SLC44A1: variants seen among roughly 807,000 people sequenced by gnomAD.
The protein encoded by SLC44A1 is solute carrier family 44 member 1.
SLC44A1 carries 26 observed loss-of-function variants against 79.3 expected under a neutral mutation model. That is an observed-to-expected ratio of 0.33 (90% CI 0.24 to 0.46). The LOEUF is 0.46. Among genes scored for constraint, SLC44A1 ranks in the 20% least tolerant of loss-of-function variants. The pLI, the probability that SLC44A1 is intolerant of heterozygous loss-of-function variation, is 1.00. For missense variants in SLC44A1, 688 were observed against 798.1 expected, an observed-to-expected ratio of 0.86 and a Z score of 1.66; for synonymous variants, 263 against 286.2, an observed-to-expected ratio of 0.92 and a Z score of 0.82.
At chr9:105,344,492 C>T (rs1827188689) in intron 4 of SLC44A1, among the ~76,000 whole-genome samples, 1 of 152,102 alleles carries the variant, frequency 6.6e-6, no homozygotes, top group South Asian at 2.1e-4. Flanking sequence ...CCCCCTACAA[C>T]CAAGAATTGT....
chr9:105,249,810 C>G (rs1255413642), intron 1 of SLC44A1, among the ~76,000 whole-genome samples: 1 of 151,140 alleles, frequency 6.6e-6, no homozygotes, highest in African/African-American at 2.4e-5. Context: ...GCTGGGATTA[C>G]AGGCATGAGC....
chr9:105,389,612 C>A lies in SLC44A1; in HGVS notation c.*556C>A. ...ATGTCATTTTACTTTTAGAAACATA[C>A]AATTGGGCCCAATATGGGAATTTTC... On this transcript the variant is annotated 3_prime_UTR_variant, in exon 16 of 16. Transcript: ENST00000374720. The A allele has an allele frequency of 1.7e-6, 2 of 1,176,766 alleles. No individual in the cohort carries two copies. The highest frequency in any genetic ancestry group is 2.1e-6 in the Non-Finnish European group (2 of 952,602). 72.9% of individuals were successfully genotyped at this position (1,176,766 alleles called of 1,614,324 possible). A position where few individuals can be genotyped will look rare whatever the true frequency, so the allele number is the denominator to read the frequency against.
chr9:105,387,060 A>ATATATATATATAT (rs761598964), intron 15 of SLC44A1, among the ~76,000 whole-genome samples: 10 of 7,730 alleles, frequency 1.3e-3, no homozygotes, highest in African/African-American at 2.8e-3. Flanking sequence ...AAAAAAAAAA[A>ATATATATATATAT]ATATATATAT....
chr9:105,264,694 C>G (rs892581144), intron 1 of SLC44A1, among the ~76,000 whole-genome samples: 2 of 152,210 alleles, frequency 1.3e-5, no homozygotes, highest in Non-Finnish European at 2.9e-5. Context: ...TTTCAATTTC[C>G]TGAATAGATC....
chr9:105,427,411 G>T (rs192419592), intron 15 of SLC44A1, among the ~76,000 whole-genome samples: 1 of 152,054 alleles, frequency 6.6e-6, no homozygotes, highest in Non-Finnish European at 1.5e-5. Context: ...ATGCTATAAT[G>T]ATCATCTTTG....
At chr9:105,404,931 T>C (rs545655186) in intron 15 of SLC44A1, among the ~76,000 whole-genome samples, 1 of 152,304 alleles carries the variant, frequency 6.6e-6, no homozygotes, top group Admixed American at 6.5e-5. Context: ...ATTCATTAGC[T>C]AACAGATATT....
chr9:105,244,739 A>AGCCGCC lies in SLC44A1; in HGVS notation c.-120_-115dup, dbSNP rs1366983820. 3 of 398,438 alleles carry AGCCGCC rather than the reference A, an allele frequency of 7.5e-6. No homozygotes were observed. The highest frequency in any genetic ancestry group is 1.1e-4 in the East Asian group (2 of 18,390). The allele number at this position is 398,438 out of a possible 1,614,324, so 24.7% of individuals were successfully genotyped here. Reference sequence around the variant, plus strand: ...CCTCTTGAGTACCAGCCGCCGCTGCAGCCGCCGCCGCCGCCTAGCCGTGCG... The same window carrying AGCCGCC: ...CCTCTTGAGTACCAGCCGCCGCTGCAGCCGCCGCCGCCGCCGCCGCCTAGCCGTGCG... On this transcript the variant is annotated 5_prime_UTR_variant, in exon 1 of 16. Coordinates refer to ENST00000374720, the MANE Select transcript of SLC44A1 (RefSeq NM_080546.5).
At chr9:105,428,609 G>C (rs185226655) in intron 15 of SLC44A1, among the ~76,000 whole-genome samples, 2 of 152,238 alleles carry the variant, frequency 1.3e-5, no homozygotes, top group African/African-American at 4.8e-5. Flanking sequence ...TGAGTATGCA[G>C]AACAGTCAGC....
At chr9:105,363,228 T>C (rs1827836528) in intron 9 of SLC44A1, among the ~76,000 whole-genome samples, 2 of 152,116 alleles carry the variant, frequency 1.3e-5, no homozygotes, top group Admixed American at 1.3e-4. Flanking sequence ...AGTGGTGCTC[T>C]CTTGGCTCAC....
intron 15 of SLC44A1, among the ~76,000 whole-genome samples, chr9:105,387,060 A>AAAAAAAAAAAAAAAAATATATAT (rs34780893): frequency 2.6e-4 from 2 of 7,714 alleles, no homozygotes; most frequent in Non-Finnish European, 4.7e-4. Flanking sequence ...AAAAAAAAAA[A>AAAAAAAAAAAAAAAAATATATAT]ATATATATAT....
chr9:105,265,527 C>G (rs1444931380), intron 1 of SLC44A1, among the ~76,000 whole-genome samples: 1 of 152,138 alleles, frequency 6.6e-6, no homozygotes, highest in African/African-American at 2.4e-5. Flanking sequence ...AGTTTATTCA[C>G]CAGTTGAAGA....
At position 105,393,949 on chromosome 9, in the gene SLC44A1, C is replaced by A; in HGVS notation, c.*4893C>A. 1.0e-6 allele frequency: 1 copy of A among 983,806 alleles called. No homozygotes were observed. The highest frequency in any genetic ancestry group is 1.2e-6 in the Non-Finnish European group (1 of 828,488). 60.9% of individuals were successfully genotyped at this position (983,806 alleles called of 1,614,324 possible). ...TTACAAATGTCTCAGAAATTTCTCA[C>A]TTTTATTTGCTAAGACCTGAATTTA... On this transcript the variant is annotated 3_prime_UTR_variant, in exon 16 of 16. Transcript: ENST00000374720.
At chr9:105,361,472 A>T (rs1421629811) in intron 8 of SLC44A1, 142 bp downstream of exon 8, 3 of 794,770 alleles carry the variant, frequency 3.8e-6, no homozygotes, top group Non-Finnish European at 5.9e-6. Context: ...AGTGTATGAA[A>T]CACTAAAAAG....
chr9:105,433,163 G>A (rs1051495895), intron 15 of SLC44A1, among the ~76,000 whole-genome samples: 1 of 152,092 alleles, frequency 6.6e-6, no homozygotes, highest in African/African-American at 2.4e-5. Flanking sequence ...GGGTATGGTA[G>A]TGTGCGCCTG....
At chr9:105,356,712 A>G (rs1827634309) in intron 6 of SLC44A1, among the ~76,000 whole-genome samples, 1 of 152,142 alleles carries the variant, frequency 6.6e-6, no homozygotes, top group African/African-American at 2.4e-5. Flanking sequence ...TGATTCCTAA[A>G]AGGTGTATTT....
At chr9:105,380,503 G>A (rs1588852604) in intron 13 of SLC44A1, among the ~76,000 whole-genome samples, 2 of 151,878 alleles carry the variant, frequency 1.3e-5, no homozygotes, top group East Asian at 3.9e-4. Flanking sequence ...AACTTCTAAA[G>A]TCATGCGCCC....
intron 3 of SLC44A1, among the ~76,000 whole-genome samples, chr9:105,311,735 A>G (rs1427984395): frequency 6.6e-6 from 1 of 152,080 alleles, no homozygotes; most frequent in African/African-American, 2.4e-5. Context: ...TTTCTACTTC[A>G]TCTTCTCTTA....
At chr9:105,371,354 C>T (rs772485135) in intron 12 of SLC44A1, among the ~76,000 whole-genome samples, 2 of 152,186 alleles carry the variant, frequency 1.3e-5, no homozygotes, top group Non-Finnish European at 2.9e-5. Context: ...GGCACAGTTC[C>T]ATCACCGTAG....
intron 1 of SLC44A1, among the ~76,000 whole-genome samples, chr9:105,248,901 CGTAA>C (rs1829516880): frequency 6.6e-6 from 1 of 152,160 alleles, no homozygotes; most frequent in African/African-American, 2.4e-5. Flanking sequence ...AGCAAATTGC[CGTAA>C]GTCTTTGTCC....
Sources: gnomAD v4.1 joint callset for allele counts (sites outside exome capture counted in the v4.1 genomes callset) on GRCh38, gnomAD v4.1.1 for gene constraint, MANE v1.5 for transcripts, NCBI Gene and HGNC (gene_info 2026-07-23, HGNC 2026-07-21) for gene names.